The following GABRB2 variants were observed in gnomAD, a reference collection of about 807,000 sequenced individuals.
GABRB2 encodes gamma-aminobutyric acid type A receptor subunit beta2.
A neutral mutation model predicts 54.7 loss-of-function variants in GABRB2; 16 were observed. The ratio of observed to expected loss-of-function variants is 0.29; its 90% confidence interval spans 0.20 to 0.44. The LOEUF is 0.44. GABRB2 is among the 20% of genes least tolerant of loss of function. The pLI is 1.00. For missense variants in GABRB2, 355 were observed against 644.0 expected, an observed-to-expected ratio of 0.55 and a Z score of 4.86; for synonymous variants, 244 against 233.8, an observed-to-expected ratio of 1.04 and a Z score of -0.40.
intron 3 of GABRB2, among the ~76,000 whole-genome samples, chr5:161,517,623 C>T (rs578168489): frequency 6.6e-6 from 1 of 152,108 alleles, no homozygotes; most frequent in Non-Finnish European, 1.5e-5. Context: ...CTGGGCACTG[C>T]CGCTATTGCA....
intron 5 of GABRB2, among the ~76,000 whole-genome samples, chr5:161,362,474 G>C (rs2113454102): frequency 6.6e-6 from 1 of 152,154 alleles, no homozygotes; most frequent in South Asian, 2.1e-4. Flanking sequence ...TATGGGTAAA[G>C]ACTTCATGAC....
chr5:161,366,023 C>A (rs148486351), intron 5 of GABRB2, among the ~76,000 whole-genome samples: 1 of 150,248 alleles, frequency 6.7e-6, no homozygotes, highest in Non-Finnish European at 1.5e-5. Flanking sequence ...TTCAATTGTT[C>A]AATGAATTCG....
At chr5:161,411,381 C>T (rs1209755952) in intron 4 of GABRB2, among the ~76,000 whole-genome samples, 1 of 152,164 alleles carries the variant, frequency 6.6e-6, no homozygotes, top group South Asian at 2.1e-4. Flanking sequence ...ATTTCACAAG[C>T]ATCACTGCTG....
At chr5:161,333,098 A>C (rs1427842588) in intron 7 of GABRB2, among the ~76,000 whole-genome samples, 1 of 152,214 alleles carries the variant, frequency 6.6e-6, no homozygotes, top group Admixed American at 6.5e-5. Context: ...ACTAGTAATA[A>C]ATTGCTCACA....
chr5:161,301,773 T>TC (rs1757545850), intron 9 of GABRB2, among the ~76,000 whole-genome samples: 1 of 152,182 alleles, frequency 6.6e-6, no homozygotes, highest in East Asian at 1.9e-4. Context: ...AACTCCCAAG[T>TC]CCATTCCTGA....
At chr5:161,546,875 T>C, upstream of GABRB2, 1 of 841,352 alleles carries the variant, frequency 1.2e-6, no homozygotes, top group Non-Finnish European at 1.6e-6. Flanking sequence ...ATTTGAATAA[T>C]ATAGAAAAGT....
chr5:161,355,334 CAT>C (rs1203068719), intron 5 of GABRB2, among the ~76,000 whole-genome samples: 3 of 147,820 alleles, frequency 2.0e-5, no homozygotes, highest in Admixed American at 6.8e-5. Flanking sequence ...TATTATATAA[CAT>C]ATGGTATATA....
chr5:161,319,260 C>T (rs886852164), intron 9 of GABRB2, among the ~76,000 whole-genome samples: 4 of 150,800 alleles, frequency 2.7e-5, no homozygotes, highest in African/African-American at 9.7e-5. Flanking sequence ...GAGAAATAAA[C>T]ACAGAGACCC....
At chr5:161,348,021 G>C (rs933933080) in intron 5 of GABRB2, among the ~76,000 whole-genome samples, 1 of 151,918 alleles carries the variant, frequency 6.6e-6, no homozygotes, top group African/African-American at 2.4e-5. Flanking sequence ...TCCTGTCCCC[G>C]CCCTGCTATA....
chr5:161,518,179 T>C (rs527358518), intron 3 of GABRB2, among the ~76,000 whole-genome samples: 3 of 152,298 alleles, frequency 2.0e-5, no homozygotes, highest in East Asian at 1.9e-4. Context: ...TCATTCTCCA[T>C]TGAATGGGGG....
intron 3 of GABRB2, among the ~76,000 whole-genome samples, chr5:161,486,217 A>T (rs991642508): frequency 1.3e-5 from 2 of 151,960 alleles, no homozygotes; most frequent in Non-Finnish European, 1.5e-5. Context: ...GAAATAAAAA[A>T]GGCAAAGGGT....
chr5:161,324,058 C>T (rs943523958), intron 9 of GABRB2, among the ~76,000 whole-genome samples: 2 of 152,034 alleles, frequency 1.3e-5, no homozygotes, highest in African/African-American at 4.8e-5. Context: ...ACAATAGGTG[C>T]TCATTGAATA....
intron 9 of GABRB2, among the ~76,000 whole-genome samples, chr5:161,322,865 G>A (rs543400450): frequency 6.6e-5 from 10 of 151,536 alleles, no homozygotes; most frequent in Admixed American, 2.6e-4. Context: ...TCTTTTAATC[G>A]CTTCTTGTTT....
At chr5:161,499,360 T>G (rs1372803397) in intron 3 of GABRB2, among the ~76,000 whole-genome samples, 2 of 152,168 alleles carry the variant, frequency 1.3e-5, no homozygotes, top group Non-Finnish European at 2.9e-5. Flanking sequence ...AAAATGACTT[T>G]AAGCAAATAA....
Position 161,290,432 on chromosome 5 carries a change from C to T in GABRB2, c.*3649G>A, listed in dbSNP as rs1383668657. On this transcript the variant is annotated 3_prime_UTR_variant, in exon 10 of 10. Transcript: ENST00000393959. ...GGTACAGTACTATTGTCGAGTTGAA[C>T]TGTGCAATGGTTCATAAAAACTGTA... The T allele has an allele frequency of 6.6e-6, 1 of 152,496 alleles. No homozygotes were observed. The highest frequency in any genetic ancestry group is 2.4e-5 in the African/African-American group (1 of 41,424). The allele number at this position is 152,496 out of a possible 1,614,324, so 9.4% of individuals were successfully genotyped here.
chr5:161,469,408 G>A (rs1034671384), intron 3 of GABRB2, among the ~76,000 whole-genome samples: 1 of 151,600 alleles, frequency 6.6e-6, no homozygotes, highest in Non-Finnish European at 1.5e-5. Context: ...CATACAAAAA[G>A]TAAGAGCACC....
chr5:161,422,709 G>A (rs1756883849), intron 4 of GABRB2, among the ~76,000 whole-genome samples: 2 of 152,076 alleles, frequency 1.3e-5, no homozygotes, highest in Non-Finnish European at 2.9e-5. Context: ...GGCATTCCTT[G>A]TCAATAACTT....
intron 9 of GABRB2, among the ~76,000 whole-genome samples, chr5:161,322,331 GCTCAAACAATT>G (rs1373360287): frequency 1.3e-5 from 2 of 152,114 alleles, no homozygotes; most frequent in Non-Finnish European, 2.9e-5. Flanking sequence ...CACCTTCGAG[GCTCAAACAATT>G]CTCCTGCCTC....
intron 5 of GABRB2, among the ~76,000 whole-genome samples, chr5:161,361,758 A>G (rs1342493755): frequency 6.6e-6 from 1 of 152,148 alleles, no homozygotes; most frequent in Non-Finnish European, 1.5e-5. Context: ...GGGAAGCTGC[A>G]GCTGAAGGAA....
Sources: allele counts gnomAD v4.1 joint callset (sites outside exome capture counted in the v4.1 genomes callset), GRCh38; gene constraint gnomAD v4.1.1; transcripts MANE v1.5; gene names NCBI Gene and HGNC (gene_info 2026-07-23, HGNC 2026-07-21).